Variants in NCOA3 observed in about 807,000 individuals in gnomAD.
The protein encoded by NCOA3 is CBP-interacting protein.
Under a neutral mutation model 158.8 loss-of-function variants are expected in NCOA3, and 51 were observed. That is an observed-to-expected ratio of 0.32 (90% CI 0.26 to 0.41). The LOEUF is 0.41. NCOA3 is among the 10% of genes least tolerant of loss of function. The pLI, the probability that NCOA3 is intolerant of heterozygous loss-of-function variation, is 1.00. For missense variants in NCOA3, 1,510 were observed against 1,746.6 expected (o/e 0.86, Z 2.41); for synonymous variants, 537 against 592.4 (o/e 0.91, Z 1.36).
chr20:47,644,974 G>A (rs956627887), intron 17 of NCOA3, among the ~76,000 whole-genome samples: 5 of 151,704 alleles, frequency 3.3e-5, no homozygotes, highest in African/African-American at 1.2e-4. Context: ...GAGATTACAG[G>A]TGTGAGCCAC....
Position 47,520,810 on chromosome 20 carries a change from T to TC in NCOA3, c.-99+18795dup, listed in dbSNP as rs140504939. Among the ~76,000 whole-genome samples the TC allele has an allele frequency of 9.3e-4, 142 of 152,248 alleles. 1 individual carries two copies. Among genetic ancestry groups the TC allele is most frequent in the African/African-American group, 3.3e-3 (137 of 41,556 alleles). ...AACTTGTGTTGTCCTCTCTGGCTGC[T>TC]CCCCTGAGGGAGAATTAGGCCCCTC... On this transcript the variant is annotated intron_variant, in intron 1 of 22. Transcript: ENST00000371998.
At chr20:47,585,046 CTTTTTT>C (rs11473989) in intron 2 of NCOA3, among the ~76,000 whole-genome samples, 1 of 91,344 alleles carries the variant, frequency 1.1e-5, no homozygotes, top group Admixed American at 1.4e-4. Flanking sequence ...CCTTTCTTAA[CTTTTTT>C]TTTTTTTTTT....
intron 18 of NCOA3, among the ~76,000 whole-genome samples, chr20:47,647,910 T>G (rs1250340819): frequency 7.1e-6 from 1 of 140,396 alleles, no homozygotes; most frequent in Non-Finnish European, 1.5e-5. Flanking sequence ...TGTTTGTTTG[T>G]TTTGTTTTGT....
intron 2 of NCOA3, among the ~76,000 whole-genome samples, chr20:47,588,813 A>G (rs1001437545): frequency 6.6e-6 from 1 of 152,170 alleles, no homozygotes; most frequent in Non-Finnish European, 1.5e-5. Context: ...TCCTGGAAAT[A>G]ATGCCCTATC....
chr20:47,507,510 C>T (rs2084048013), intron 1 of NCOA3, among the ~76,000 whole-genome samples: 1 of 152,158 alleles, frequency 6.6e-6, no homozygotes, highest in Admixed American at 6.6e-5. Context: ...GGAAATTCCC[C>T]AGGTTTGCAG....
At chr20:47,571,644 T>G (rs574246857) in intron 1 of NCOA3, among the ~76,000 whole-genome samples, 14 of 152,322 alleles carry the variant, frequency 9.2e-5, no homozygotes, top group African/African-American at 3.4e-4. Flanking sequence ...TAAATCATGC[T>G]GTAAACAGAT....
chr20:47,637,863 C>A (rs1043937561), intron 13 of NCOA3, 80 bp downstream of exon 13: 2 of 1,274,962 alleles, frequency 1.6e-6, no homozygotes, highest in African/African-American at 1.5e-5. Flanking sequence ...TACACTAAGA[C>A]CAGGATATAA....
chr20:47,620,934 G>A (rs1360745407), intron 2 of NCOA3, among the ~76,000 whole-genome samples: 1 of 152,038 alleles, frequency 6.6e-6, no homozygotes. Flanking sequence ...TTTGTCTTTT[G>A]TGACATTGAC....
intron 2 of NCOA3, among the ~76,000 whole-genome samples, chr20:47,591,051 A>G (rs1036688390): frequency 2.0e-5 from 3 of 152,188 alleles, no homozygotes; most frequent in African/African-American, 7.2e-5. Context: ...CAGAGGCTGC[A>G]GTGAGCCGAG....
chr20:47,575,802 TAC>T (rs1189939562), intron 1 of NCOA3, among the ~76,000 whole-genome samples: 1 of 152,250 alleles, frequency 6.6e-6, no homozygotes, highest in African/African-American at 2.4e-5. Context: ...ACTACAAATT[TAC>T]AGTGTGTTCA....
At chr20:47,579,408 G>A (rs1376661349) in intron 1 of NCOA3, among the ~76,000 whole-genome samples, 1 of 152,164 alleles carries the variant, frequency 6.6e-6, no homozygotes, top group Non-Finnish European at 1.5e-5. Flanking sequence ...AGTATGATTT[G>A]GTTTTTGTAT....
chr20:47,647,504 T>C lies in NCOA3; in HGVS notation c.3546+138T>C, dbSNP rs568406383. On this transcript the variant is annotated intron_variant, in intron 18 of 22. Transcript: ENST00000371998. ...TTTGTTTTACTTCTGTGTAAGGTTT[T>C]ATTTGTACAAATGGCTCCTTGTTAA... 6.2e-6 allele frequency: 5 copies of C among 805,776 alleles called. No individual in the cohort carries two copies. The African/African-American group carries it at 6.9e-5, about 11-fold the overall frequency. The allele number at this position is 805,776 out of a possible 1,614,324, so 49.9% of individuals were successfully genotyped here.
At chr20:47,517,717 C>T (rs1385779459) in intron 1 of NCOA3, among the ~76,000 whole-genome samples, 1 of 152,098 alleles carries the variant, frequency 6.6e-6, no homozygotes, top group Non-Finnish European at 1.5e-5. Context: ...TCCCAAAGTG[C>T]TGAGATTACA....
At chr20:47,514,167 T>C (rs969672067) in intron 1 of NCOA3, among the ~76,000 whole-genome samples, 10 of 152,028 alleles carry the variant, frequency 6.6e-5, no homozygotes, top group Admixed American at 2.6e-4. Context: ...CTTTTTTTTT[T>C]CTAGTATCAG....
intron 3 of NCOA3, among the ~76,000 whole-genome samples, chr20:47,623,416 A>C (rs1458337650): frequency 6.6e-6 from 1 of 152,218 alleles, no homozygotes; most frequent in Non-Finnish European, 1.5e-5. Flanking sequence ...GGTTTACATG[A>C]ATCTCTATTA....
rs1445027461 is a variant in NCOA3, at chr20:47,654,323, C to T, written c.*906C>T. The T allele has an allele frequency of 6.6e-6, 1 of 152,500 alleles. No individual in the cohort carries two copies. The highest frequency in any genetic ancestry group is 2.4e-5 in the African/African-American group (1 of 41,384). 9.4% of individuals were successfully genotyped at this position (152,500 alleles called of 1,614,324 possible). ...TTTTAAAAATAAACTTCTGAAAACCCAAGGCCAGGTACTGCATTCTGAATC... is the reference window on the plus strand; with the variant it reads ...TTTTAAAAATAAACTTCTGAAAACCTAAGGCCAGGTACTGCATTCTGAATC... On this transcript the variant is annotated 3_prime_UTR_variant, in exon 23 of 23. Coordinates refer to ENST00000371998, the MANE Select transcript of NCOA3 (RefSeq NM_181659.3).
intron 1 of NCOA3, among the ~76,000 whole-genome samples, chr20:47,534,345 T>C (rs1027947121): frequency 6.6e-6 from 1 of 152,002 alleles, no homozygotes; most frequent in African/African-American, 2.4e-5. Context: ...TCACCAGGCT[T>C]CTAGTTTGTG....
chr20:47,581,366 C>T (rs1324577108), intron 1 of NCOA3, among the ~76,000 whole-genome samples: 1 of 152,090 alleles, frequency 6.6e-6, no homozygotes, highest in African/African-American at 2.4e-5. Context: ...TGTTGTGAGC[C>T]ACATGTAATG....
intron 1 of NCOA3, among the ~76,000 whole-genome samples, chr20:47,529,469 G>A (rs1359387718): frequency 6.6e-6 from 1 of 152,144 alleles, no homozygotes; most frequent in East Asian, 1.9e-4. Context: ...CTGGAGTGCA[G>A]TGGTGTGATC....
Sources: gnomAD v4.1 joint callset for allele counts (sites outside exome capture counted in the v4.1 genomes callset) on GRCh38, gnomAD v4.1.1 for gene constraint, MANE v1.5 for transcripts, NCBI Gene and HGNC (gene_info 2026-07-23, HGNC 2026-07-21) for gene names.